Variants in IL1RAPL1 observed in about 807,000 individuals in gnomAD.
IL1RAPL1 encodes interleukin 1 receptor accessory protein like 1, also known as interleukin-1 receptor accessory protein-like 1.
In IL1RAPL1, 3 loss-of-function variants were observed where a neutral mutation model predicts 48.4. That is an observed-to-expected ratio of 0.06 (90% CI 0.03 to 0.16). The LOEUF (loss-of-function observed/expected upper bound fraction) is 0.16. IL1RAPL1 is among the 10% of genes least tolerant of loss of function. IL1RAPL1 has a pLI of 1.00. For synonymous variants in IL1RAPL1, 185 were observed against 187.7 expected (o/e 0.99, Z 0.12); for missense variants, 349 against 530.6 (o/e 0.66, Z 3.36).
At chrX:29,483,363 T>C (rs1287747786) in intron 5 of IL1RAPL1, among the ~76,000 whole-genome samples, 2 of 111,675 alleles carry the variant, frequency 1.8e-5, no homozygotes, top group Non-Finnish European at 1.9e-5. Context: ...TTAATTTCAC[T>C]CTCTATCCTG....
intron 1 of IL1RAPL1, among the ~76,000 whole-genome samples, chrX:28,730,546 A>C (rs1935741807): frequency 8.9e-6 from 1 of 111,804 alleles, no homozygotes; most frequent in Admixed American, 9.6e-5. Context: ...ATGAACAATA[A>C]AAAAACTAAT....
chrX:28,966,269 A>G (rs1034906781), intron 2 of IL1RAPL1, among the ~76,000 whole-genome samples: 2 of 111,816 alleles, frequency 1.8e-5, no homozygotes, highest in African/African-American at 6.5e-5. Context: ...CTTATTAGTC[A>G]CTTGTGAGCA....
At chrX:29,177,560 A>G (rs1930050116) in intron 2 of IL1RAPL1, among the ~76,000 whole-genome samples, 1 of 111,988 alleles carries the variant, frequency 8.9e-6, no homozygotes, top group Non-Finnish European at 1.9e-5. Context: ...AACATTTACA[A>G]TAAAAGTATT....
At chrX:28,806,300 A>C (rs763061828) in intron 2 of IL1RAPL1, among the ~76,000 whole-genome samples, 1 of 112,079 alleles carries the variant, frequency 8.9e-6, no homozygotes, top group Non-Finnish European at 1.9e-5. Context: ...CACTGAGACT[A>C]TACTGGAAAG....
intron 6 of IL1RAPL1, among the ~76,000 whole-genome samples, chrX:29,726,924 A>G (rs1927788057): frequency 8.9e-6 from 1 of 112,262 alleles, no homozygotes; most frequent in Non-Finnish European, 1.9e-5. Context: ...AAACTGAAAC[A>G]ATGCCTTCAT....
intron 2 of IL1RAPL1, among the ~76,000 whole-genome samples, chrX:28,873,530 T>C (rs1185179770): frequency 5.6e-5 from 3 of 53,629 alleles, no homozygotes; most frequent in African/African-American, 1.0e-4. Context: ...TTTCTTTTTT[T>C]TTTTTTTTTT....
intron 5 of IL1RAPL1, among the ~76,000 whole-genome samples, chrX:29,582,329 A>G (rs1922991379): frequency 9.3e-6 from 1 of 107,707 alleles, no homozygotes; most frequent in Admixed American, 9.8e-5. Context: ...GCTCTATTAA[A>G]CTAATGATAA....
intron 5 of IL1RAPL1, among the ~76,000 whole-genome samples, chrX:29,442,063 AT>A (rs773611638): frequency 6.8e-4 from 76 of 111,948 alleles, no homozygotes; most frequent in Non-Finnish European, 1.4e-3. Flanking sequence ...TATTCACTAC[AT>A]TTATCCAAAG....
At chrX:29,212,567 C>T (rs1441178423) in intron 2 of IL1RAPL1, among the ~76,000 whole-genome samples, 2 of 111,866 alleles carry the variant, frequency 1.8e-5, no homozygotes, top group Non-Finnish European at 3.8e-5. Context: ...CCTCGGCCTC[C>T]CAAAGTGCTG....
chrX:29,802,935 G>A (rs868429534), intron 6 of IL1RAPL1, among the ~76,000 whole-genome samples: 7 of 43,847 alleles, frequency 1.6e-4, no homozygotes, highest in East Asian at 1.0e-3. Flanking sequence ...ACATATATGT[G>A]TACATATGTA....
At chrX:29,936,805 T>C (rs1933040756) in intron 8 of IL1RAPL1, among the ~76,000 whole-genome samples, 1 of 111,789 alleles carries the variant, frequency 8.9e-6, no homozygotes, top group African/African-American at 3.2e-5. Flanking sequence ...TACTAAGAGA[T>C]GGCACGCACT....
At chrX:29,939,587 T>C (rs918278979) in intron 8 of IL1RAPL1, among the ~76,000 whole-genome samples, 4 of 112,282 alleles carry the variant, frequency 3.6e-5, no homozygotes, top group South Asian at 3.7e-4. Context: ...CTGTCTTGTG[T>C]GGTTCCCCAC....
At position 29,236,720 on chromosome X, in the gene IL1RAPL1, T is replaced by C. The variant is rs759153886; in HGVS notation, c.83-46218T>C. Reference sequence around the variant, plus strand: ...TGGGACTACAGGCGCCCACCACGCCTGGCTAATTTTTTTTTTTTTTTGTAT... The same window carrying C: ...TGGGACTACAGGCGCCCACCACGCCCGGCTAATTTTTTTTTTTTTTTGTAT... On this transcript the variant is annotated intron_variant, in intron 2 of 10. Coordinates refer to ENST00000378993, the MANE Select transcript of IL1RAPL1 (RefSeq NM_014271.4). Among the ~76,000 whole-genome samples, 23 of 81,298 alleles carry C rather than the reference T, an allele frequency of 2.8e-4. No homozygotes were observed. The East Asian group carries it at 8.5e-3, about 30-fold the overall frequency. The allele number at this position is 81,298 out of a possible 115,157, so 70.6% of individuals were successfully genotyped here.
intron 6 of IL1RAPL1, among the ~76,000 whole-genome samples, chrX:29,725,319 C>T (rs1204471009): frequency 9.0e-6 from 1 of 111,070 alleles, no homozygotes; most frequent in Non-Finnish European, 1.9e-5. Context: ...TTACTTGTTG[C>T]AAATAAGATG....
chrX:29,818,936 A>T (rs1334917330), intron 6 of IL1RAPL1, among the ~76,000 whole-genome samples: 3 of 112,238 alleles, frequency 2.7e-5, no homozygotes, highest in African/African-American at 9.7e-5. Context: ...CTTAGCAGAG[A>T]CAACCGTGGC....
At chrX:28,770,638 C>T (rs1018481322) in intron 1 of IL1RAPL1, among the ~76,000 whole-genome samples, 1 of 112,279 alleles carries the variant, frequency 8.9e-6, no homozygotes, top group Non-Finnish European at 1.9e-5. Flanking sequence ...AGACATGCAG[C>T]TCTGCCTTTT....
chrX:29,427,794 G>A (rs968663410), intron 5 of IL1RAPL1, among the ~76,000 whole-genome samples: 1 of 111,736 alleles, frequency 8.9e-6, no homozygotes, highest in Non-Finnish European at 1.9e-5. Flanking sequence ...ACAAGCTTGG[G>A]ACCAAGGGTA....
chrX:28,652,889 A>G (rs1001046194), intron 1 of IL1RAPL1, among the ~76,000 whole-genome samples: 1 of 109,902 alleles, frequency 9.1e-6, no homozygotes, highest in Non-Finnish European at 1.9e-5. Flanking sequence ...TGGTGGGGGC[A>G]GGGGACTATA....
intron 2 of IL1RAPL1, among the ~76,000 whole-genome samples, chrX:29,175,523 A>G (rs1216272380): frequency 9.0e-6 from 1 of 111,015 alleles, no homozygotes; most frequent in Non-Finnish European, 1.9e-5. Context: ...AATTGCGAGG[A>G]TTTAGAAACG....
Sources: allele counts gnomAD v4.1 joint callset (sites outside exome capture counted in the v4.1 genomes callset), GRCh38; gene constraint gnomAD v4.1.1; transcripts MANE v1.5; gene names NCBI Gene and HGNC (gene_info 2026-07-23, HGNC 2026-07-21).